The following EFHD2 variants were observed in gnomAD, a reference collection of about 807,000 sequenced individuals.
The protein encoded by EFHD2 is EF-hand domain-containing protein D2.
In EFHD2, 12 loss-of-function variants were observed where a neutral mutation model predicts 20.3. That is an observed-to-expected ratio of 0.59 (90% CI 0.38 to 0.96). EFHD2 has a LOEUF of 0.96. Among genes scored for constraint, EFHD2 ranks in the 40% least tolerant of loss-of-function variants. The pLI is 0.00. For missense variants in EFHD2, 250 were observed against 334.3 expected (o/e 0.75, Z 1.97); for synonymous variants, 131 against 143.9 (o/e 0.91, Z 0.64).
intron 1 of EFHD2, among the ~76,000 whole-genome samples, chr1:15,418,537 C>T (rs894052186): frequency 6.7e-5 from 10 of 149,332 alleles, no homozygotes; most frequent in Non-Finnish European, 1.0e-4. Flanking sequence ...AATCTCCTGA[C>T]CTTGTGATCC....
At chr1:15,416,590 G>A (rs570436853) in intron 1 of EFHD2, among the ~76,000 whole-genome samples, 3 of 152,124 alleles carry the variant, frequency 2.0e-5, no homozygotes, top group South Asian at 2.1e-4. Context: ...CATTATCCTC[G>A]CCCATTTCAC....
rs771753949 is a variant in EFHD2, at chr1:15,429,997, G to A, written c.*1273G>A. On this transcript the variant is annotated 3_prime_UTR_variant, in exon 4 of 4. Coordinates refer to ENST00000375980, the MANE Select transcript of EFHD2 (RefSeq NM_024329.6). ...AACTTTCAGTGTGTGTCATAACGAC[G>A]TCACTGCTTTTTAAACTCGATAACT... The A allele has an allele frequency of 7.9e-5, 12 of 152,704 alleles. No individual in the cohort carries two copies. Among genetic ancestry groups the A allele is most frequent in the Admixed American group, 2.6e-4 (4 of 15,292 alleles). The allele number at this position is 152,704 out of a possible 1,614,324, so 9.5% of individuals were successfully genotyped here. A position where few individuals can be genotyped will look rare whatever the true frequency, so the allele number is the denominator to read the frequency against.
At chr1:15,427,411 C>T in intron 3 of EFHD2, 127 bp downstream of exon 3, 2 of 1,442,052 alleles carry the variant, frequency 1.4e-6, no homozygotes, top group Non-Finnish European at 1.8e-6. Flanking sequence ...TGACTCCCTG[C>T]CAGGCTGGGC....
At chr1:15,415,079 G>T (rs1230885913) in intron 1 of EFHD2, among the ~76,000 whole-genome samples, 1 of 152,218 alleles carries the variant, frequency 6.6e-6, no homozygotes, top group African/African-American at 2.4e-5. Context: ...TTGCATGATA[G>T]ATGATGTTTT....
intron 1 of EFHD2, among the ~76,000 whole-genome samples, chr1:15,416,840 T>G (rs1047304922): frequency 2.0e-5 from 3 of 152,134 alleles, no homozygotes; most frequent in Non-Finnish European, 2.9e-5. Flanking sequence ...AGACAGAGTC[T>G]TGCTCTGTCA....
At chr1:15,416,251 A>T (rs1220024175) in intron 1 of EFHD2, among the ~76,000 whole-genome samples, 2 of 151,944 alleles carry the variant, frequency 1.3e-5, no homozygotes, top group Admixed American at 6.6e-5. Flanking sequence ...ACTGGCTTCC[A>T]CTGTGAGAGT....
intron 3 of EFHD2, chr1:15,427,766 T>C (rs1570772717): frequency 1.0e-5 from 4 of 383,506 alleles, no homozygotes; most frequent in South Asian, 6.0e-5. Context: ...GGCTCCTGGG[T>C]CCTGCCCACC....
At chr1:15,419,173 C>T (rs1486109338) in intron 1 of EFHD2, among the ~76,000 whole-genome samples, 2 of 152,164 alleles carry the variant, frequency 1.3e-5, no homozygotes, top group Non-Finnish European at 1.5e-5. Context: ...CAGCTGGGGA[C>T]CATGCTCACC....
At chr1:15,427,704 C>T (rs569179687) in intron 3 of EFHD2, among the ~76,000 whole-genome samples, 1 of 152,328 alleles carries the variant, frequency 6.6e-6, no homozygotes, top group East Asian at 1.9e-4. Context: ...GCATGCATGA[C>T]ACCCTCCCCT....
chr1:15,427,436 C>G, intron 3 of EFHD2, 152 bp downstream of exon 3: 1 of 1,374,120 alleles, frequency 7.3e-7, no homozygotes. Flanking sequence ...CCCACACGCT[C>G]TGTCTTCTGT....
chr1:15,418,001 T>TTGAGACAGAGTCTTGC (rs1707709189), intron 1 of EFHD2, among the ~76,000 whole-genome samples: 1 of 143,000 alleles, frequency 7.0e-6, no homozygotes, highest in African/African-American at 2.6e-5. Context: ...TTTTTTTTTT[T>TTGAGACAGAGTCTTGC]TTTTTTGAGA....
rs1012709774 is a variant in EFHD2, at chr1:15,428,931, C to G, written c.*207C>G. On this transcript the variant is annotated 3_prime_UTR_variant, in exon 4 of 4. Transcript: ENST00000375980. Reference sequence around the variant, plus strand: ...TCCACTCTGCACGAGGCCGCCACACCGGCGCTGGCTCCCTGCCCGGCCCGG... The same window carrying G: ...TCCACTCTGCACGAGGCCGCCACACGGGCGCTGGCTCCCTGCCCGGCCCGG... 4 of 710,754 alleles carry G rather than the reference C, an allele frequency of 5.6e-6. No individual in the cohort carries two copies. The East Asian group carries it at 1.3e-4, about 23-fold the overall frequency. 44.0% of individuals were successfully genotyped at this position (710,754 alleles called of 1,614,324 possible).
Position 15,427,210 on chromosome 1 carries a change from G to A in EFHD2, c.517G>A (p.Val173Met), listed in dbSNP as rs754890964. ...GELQEDSGLC[V>M]LARLSEIDVS... is the part of the protein sequence containing the mutation. Reference sequence around the variant, plus strand: ...GCTTCAGGAGGACAGCGGGCTGTGCGTGCTGGCCCGCCTCTCTGAGATCGA... The same window carrying A: ...GCTTCAGGAGGACAGCGGGCTGTGCATGCTGGCCCGCCTCTCTGAGATCGA... Residue 173 changes from valine (V) to methionine (M), a missense_variant, in exon 3 of 4, where the codon GTG becomes ATG. Physicochemically the swap from Val to Met is conservative, Grantham distance 21. Coordinates refer to ENST00000375980, the MANE Select transcript of EFHD2 (RefSeq NM_024329.6). The A allele has an allele frequency of 2.6e-5, 42 of 1,600,854 alleles. No homozygotes were observed. Among genetic ancestry groups the A allele is most frequent in the Non-Finnish European group, 3.3e-5 (39 of 1,174,486 alleles).
chr1:15,429,064 G>A lies in EFHD2; in HGVS notation c.*340G>A. 3.4e-6 allele frequency: 1 copy of A among 294,938 alleles called. No homozygotes were observed. Among genetic ancestry groups the A allele is most frequent in the Non-Finnish European group, 6.7e-6 (1 of 150,016 alleles). The allele number at this position is 294,938 out of a possible 1,614,324, so 18.3% of individuals were successfully genotyped here. On this transcript the variant is annotated 3_prime_UTR_variant, in exon 4 of 4. Transcript: ENST00000375980. ...CCCTAGGTCCCTCCCAGCCCCATGT[G>A]CCTGCCGCCTGCCCTCCACACATCC...
chr1:15,415,534 G>A (rs1707649783), intron 1 of EFHD2, among the ~76,000 whole-genome samples: 1 of 151,094 alleles, frequency 6.6e-6, no homozygotes, highest in Non-Finnish European at 1.5e-5. Context: ...TGCCACCAAG[G>A]CTGAAGTACA....
intron 1 of EFHD2, among the ~76,000 whole-genome samples, chr1:15,416,211 G>A (rs1707667220): frequency 6.6e-6 from 1 of 152,100 alleles, no homozygotes; most frequent in South Asian, 2.1e-4. Flanking sequence ...TCTCCTCCAT[G>A]CTACCTGGGT....
intron 1 of EFHD2, among the ~76,000 whole-genome samples, chr1:15,418,571 C>T (rs1295397157): frequency 5.3e-5 from 8 of 152,108 alleles, no homozygotes; most frequent in Non-Finnish European, 4.4e-5. Flanking sequence ...TCCCAAAGTG[C>T]TGGGATTACA....
At chr1:15,422,721 C>A (rs1015582278) in intron 1 of EFHD2, among the ~76,000 whole-genome samples, 1 of 151,986 alleles carries the variant, frequency 6.6e-6, no homozygotes, top group African/African-American at 2.4e-5. Context: ...ATTAGCCGAG[C>A]GTGGTGGCGG....
chr1:15,423,751 A>T (rs938316682), intron 1 of EFHD2, among the ~76,000 whole-genome samples: 1 of 152,312 alleles, frequency 6.6e-6, no homozygotes, highest in Non-Finnish European at 1.5e-5. Flanking sequence ...GAAGGTGCAG[A>T]AATGAGACAT....
Sources: gnomAD v4.1 joint callset for allele counts (sites outside exome capture counted in the v4.1 genomes callset) on GRCh38, gnomAD v4.1.1 for gene constraint, MANE v1.5 for transcripts, NCBI Gene and HGNC (gene_info 2026-07-23, HGNC 2026-07-21) for gene names.